HHAT: variants seen among roughly 807,000 people sequenced by gnomAD.
HHAT encodes the protein hedgehog acyltransferase, also known as protein-cysteine N-palmitoyltransferase HHAT.
In HHAT, 47 loss-of-function variants were observed where a neutral mutation model predicts 70.8. The observed-to-expected ratio is 0.66, with a 90% CI of 0.53 to 0.85. HHAT has a LOEUF of 0.85. Among genes scored for constraint, HHAT ranks in the 40% least tolerant of loss-of-function variants. The pLI, the probability that HHAT is intolerant of heterozygous loss-of-function variation, is 0.00. For missense variants in HHAT, 609 were observed against 604.8 expected (o/e 1.01, Z -0.07); for synonymous variants, 228 against 247.6 (o/e 0.92, Z 0.74).
chr1:210,670,423 T>C (rs1450786344), intron 11 of HHAT, among the ~76,000 whole-genome samples: 2 of 152,146 alleles, frequency 1.3e-5, no homozygotes, highest in African/African-American at 2.4e-5. Context: ...GGAAGAGGTG[T>C]GGTGTTGACC....
intron 11 of HHAT, among the ~76,000 whole-genome samples, chr1:210,646,008 A>G (rs1460233352): frequency 1.3e-5 from 2 of 152,150 alleles, no homozygotes; most frequent in Non-Finnish European, 2.9e-5. Context: ...CTGCCCTCCC[A>G]GCTCAGCTGA....
intron 9 of HHAT, among the ~76,000 whole-genome samples, chr1:210,566,060 C>T (rs961885508): frequency 2.6e-5 from 4 of 152,220 alleles, no homozygotes; most frequent in East Asian, 1.9e-4. Context: ...CTTTTTTTAT[C>T]ACCTCATAGT....
chr1:210,647,617 T>C (rs1182551111), intron 11 of HHAT, among the ~76,000 whole-genome samples: 1 of 152,050 alleles, frequency 6.6e-6, no homozygotes, highest in Non-Finnish European at 1.5e-5. Context: ...CCACCCCTTA[T>C]CCTGATATCT....
At chr1:210,439,256 G>C (rs1190378498) in intron 7 of HHAT, among the ~76,000 whole-genome samples, 1 of 151,732 alleles carries the variant, frequency 6.6e-6, no homozygotes, top group Non-Finnish European at 1.5e-5. Flanking sequence ...GAGCTCTCTT[G>C]GGGGCATAAT....
At chr1:210,554,195 A>T (rs2095552777) in intron 9 of HHAT, among the ~76,000 whole-genome samples, 1 of 152,192 alleles carries the variant, frequency 6.6e-6, no homozygotes, top group African/African-American at 2.4e-5. Flanking sequence ...ACATTATTGT[A>T]TAATGAAAGT....
At chr1:210,665,355 G>A (rs760935288) in intron 11 of HHAT, among the ~76,000 whole-genome samples, 1 of 152,202 alleles carries the variant, frequency 6.6e-6, no homozygotes, top group Non-Finnish European at 1.5e-5. Flanking sequence ...GTGGTTCTTA[G>A]GAGTGATGGG....
intron 11 of HHAT, among the ~76,000 whole-genome samples, chr1:210,655,386 A>G (rs1290267656): frequency 6.6e-6 from 1 of 152,130 alleles, no homozygotes; most frequent in Non-Finnish European, 1.5e-5. Context: ...GACCCTGTAG[A>G]CAATTGGTTA....
At chr1:210,329,618 A>G (rs2084809302) in intron 1 of HHAT, 1 of 365,008 alleles carries the variant, frequency 2.7e-6, no homozygotes, top group Non-Finnish European at 3.8e-6. Context: ...TACGGGTAGC[A>G]TTGGTGTTAA....
chr1:210,631,007 T>C (rs1268365221), intron 11 of HHAT: 1 of 450,212 alleles, frequency 2.2e-6, no homozygotes, highest in East Asian at 7.0e-5. Context: ...GAGGTTTATT[T>C]TTATTTTTTT....
At chr1:210,438,608 T>C (rs1455277969) in intron 7 of HHAT, among the ~76,000 whole-genome samples, 1 of 151,818 alleles carries the variant, frequency 6.6e-6, no homozygotes, top group Admixed American at 6.6e-5. Context: ...CTGTTCATGA[T>C]TTTTCTTACG....
At chr1:210,570,707 G>T (rs770099301) in intron 9 of HHAT, among the ~76,000 whole-genome samples, 3 of 152,192 alleles carry the variant, frequency 2.0e-5, no homozygotes, top group South Asian at 2.1e-4. Flanking sequence ...CTCCAAGCAA[G>T]CTCCTCACTG....
At chr1:210,509,571 T>A (rs548658447) in intron 8 of HHAT, among the ~76,000 whole-genome samples, 1 of 152,348 alleles carries the variant, frequency 6.6e-6, no homozygotes, top group South Asian at 2.1e-4. Flanking sequence ...ATGATAATAG[T>A]ATCTATCTAC....
At chr1:210,339,577 TC>T (rs1215234394) in intron 1 of HHAT, among the ~76,000 whole-genome samples, 1 of 152,114 alleles carries the variant, frequency 6.6e-6, no homozygotes, top group Non-Finnish European at 1.5e-5. Context: ...AAAAGCCAAG[TC>T]TAGCCTACCA....
intron 3 of HHAT, among the ~76,000 whole-genome samples, chr1:210,377,745 C>T (rs554647030): frequency 1.3e-5 from 2 of 152,326 alleles, no homozygotes; most frequent in South Asian, 4.1e-4. Flanking sequence ...CAAAACACCT[C>T]CCCTTTACCA....
At chr1:210,382,220 G>A (rs183103083) in intron 3 of HHAT, among the ~76,000 whole-genome samples, 10 of 152,248 alleles carry the variant, frequency 6.6e-5, no homozygotes, top group Non-Finnish European at 1.5e-4. Flanking sequence ...GTGACATAGG[G>A]GTGTGAGAAG....
At chr1:210,538,730 AAAG>A (rs1222776357) in intron 9 of HHAT, among the ~76,000 whole-genome samples, 1 of 152,198 alleles carries the variant, frequency 6.6e-6, no homozygotes, top group African/African-American at 2.4e-5. Flanking sequence ...AGGCCAACAT[AAAG>A]AAGAAGCTGT....
At chr1:210,402,608 G>T (rs192800234) in intron 5 of HHAT, among the ~76,000 whole-genome samples, 94 of 152,206 alleles carry the variant, frequency 6.2e-4, no homozygotes, top group Non-Finnish European at 5.9e-5. Flanking sequence ...TTACAAACTG[G>T]TAAACAATAA....
chr1:210,397,807 G>A (rs2091874956), intron 4 of HHAT, among the ~76,000 whole-genome samples: 2 of 152,162 alleles, frequency 1.3e-5, no homozygotes, highest in African/African-American at 4.8e-5. Flanking sequence ...ACCCTGCTGG[G>A]CCATGTCACC....
chr1:210,590,000 T>C (rs960702537), intron 10 of HHAT: 5 of 152,226 alleles, frequency 3.3e-5, no homozygotes, highest in Admixed American at 6.5e-5. Context: ...TTTTATCACC[T>C]ACAAGCCTGG....
Sources: allele counts gnomAD v4.1 joint callset (sites outside exome capture counted in the v4.1 genomes callset), GRCh38; gene constraint gnomAD v4.1.1; transcripts MANE v1.5; gene names NCBI Gene and HGNC (gene_info 2026-07-23, HGNC 2026-07-21).